NOTCH4: variants seen among roughly 807,000 people sequenced by gnomAD.
NOTCH4 encodes the protein notch receptor 4, also known as neurogenic locus notch homolog protein 4.
NOTCH4 carries 138 observed loss-of-function variants against 189.0 expected under a neutral mutation model. The observed-to-expected ratio is 0.73, with a 90% CI of 0.64 to 0.84. The LOEUF (loss-of-function observed/expected upper bound fraction) is 0.84. Ranked by LOEUF, NOTCH4 falls within the 40% of genes least tolerant of loss-of-function variation. NOTCH4 has a pLI of 0.00. For synonymous variants in NOTCH4, 942 were observed against 1,032.8 expected (o/e 0.91, Z 1.69); for missense variants, 2,286 against 2,605.4 (o/e 0.88, Z 2.67).
rs56957733 is a variant in NOTCH4, at chr6:32,211,258, T to TCAAACAAACAAA, written c.2681-334_2681-323dup. On this transcript the variant is annotated intron_variant, in intron 17 of 29. Coordinates refer to ENST00000375023, the MANE Select transcript of NOTCH4 (RefSeq NM_004557.4). ...CTGGGCTATAGGGCAAGACTCCATC[T>TCAAACAAACAAA]CAAACAAACAAACAAACAAACAAAC... is the stretch of plus-strand genomic sequence containing the variant. Among the ~76,000 whole-genome samples, 60 of 146,078 alleles carry TCAAACAAACAAA rather than the reference T, an allele frequency of 4.1e-4. 1 individual carries two copies. The highest frequency in any genetic ancestry group is 6.2e-4 in the East Asian group (3 of 4,838).
chr6:32,215,198 C>A (rs778245882), intron 12 of NOTCH4, 28 bp downstream of exon 12: 1 of 1,559,072 alleles, frequency 6.4e-7, no homozygotes, highest in Admixed American at 2.0e-5. Flanking sequence ...AAGGAGGGGG[C>A]AGATGGGGAG....
Position 32,202,722 on chromosome 6 carries a change from CAGAG to C in NOTCH4, c.3232-127_3232-124del, listed in dbSNP as rs1788435896. The C allele has an allele frequency of 1.2e-6, 1 of 811,154 alleles. No homozygotes were observed. The highest frequency in any genetic ancestry group is 1.9e-6 in the Non-Finnish European group (1 of 537,706). The allele number at this position is 811,154 out of a possible 1,614,324, so 50.2% of individuals were successfully genotyped here. Reference sequence around the variant, plus strand: ...AGATTCTCATATCTAAAAGGCGCCTCAGAGAGCATCAAGTTAATCATTTTGTGGA... The same window carrying C: ...AGATTCTCATATCTAAAAGGCGCCTCAGCATCAAGTTAATCATTTTGTGGA... On this transcript the variant is annotated intron_variant, in intron 20 of 29. Transcript: ENST00000375023. This position sits in a 1 kb window ranked among gnomAD's most constrained non-coding sequence, Gnocchi z 5.7.
In NOTCH4 at chr6:32,213,023, G is replaced by A; in HGVS notation, c.2438+112C>T. 3.2e-6 allele frequency: 4 copies of A among 1,256,350 alleles called. No homozygotes were observed. In the South Asian group the frequency reaches 5.2e-5, roughly 16 times the overall value. 77.8% of individuals were successfully genotyped at this position (1,256,350 alleles called of 1,614,324 possible). A position where few individuals can be genotyped will look rare whatever the true frequency, so the allele number is the denominator to read the frequency against. ...AGGGAGGTGGCAAGCCAGGAGGGAA[G>A]GCGGAACGAGGTGTGGGGTGGGAGG... On this transcript the variant is annotated intron_variant, in intron 15 of 29. Transcript: ENST00000375023.
chr6:32,206,186 T>A (rs1582792420), intron 18 of NOTCH4, among the ~76,000 whole-genome samples: 1 of 152,156 alleles, frequency 6.6e-6, no homozygotes. Flanking sequence ...ACTATTTTTA[T>A]TCAAGGTAAT....
At chr6:32,205,647 A>C (rs1437302061) in intron 18 of NOTCH4, among the ~76,000 whole-genome samples, 1 of 151,902 alleles carries the variant, frequency 6.6e-6, no homozygotes, top group Non-Finnish European at 1.5e-5. Flanking sequence ...TATGTTTGAA[A>C]ATGTTCATAA....
intron 18 of NOTCH4, among the ~76,000 whole-genome samples, chr6:32,207,970 C>T (rs1345836433): frequency 2.7e-5 from 4 of 148,242 alleles, no homozygotes; most frequent in Non-Finnish European, 5.9e-5. Context: ...CGCCACTGCA[C>T]TCCAGCCCAG....
At position 32,210,632 on chromosome 6, in the gene NOTCH4, G is replaced by A; in HGVS notation, c.2865+120C>T. On this transcript the variant is annotated intron_variant, in intron 18 of 29. Coordinates refer to ENST00000375023, the MANE Select transcript of NOTCH4 (RefSeq NM_004557.4). This position sits in a 1 kb window ranked among gnomAD's most constrained non-coding sequence, Gnocchi z 4.8. ...TGACTTTGTGGTTAGTTGGGTGTGT[G>A]GGGTTAAAAAAAATAAAAGGAGGTG... The A allele has an allele frequency of 2.1e-6, 2 of 951,502 alleles. No homozygotes were observed. The highest frequency in any genetic ancestry group is 1.6e-6 in the Non-Finnish European group (1 of 615,734). 58.9% of individuals were successfully genotyped at this position (951,502 alleles called of 1,614,324 possible).
At chr6:32,222,324 T>C (rs922465195) in intron 3 of NOTCH4, among the ~76,000 whole-genome samples, 187 bp downstream of exon 3, 10 of 152,226 alleles carry the variant, frequency 6.6e-5, no homozygotes, top group Admixed American at 5.9e-4. Flanking sequence ...ATTTTAGCAA[T>C]CAGTACAACC....
At position 32,210,812 on chromosome 6, in the gene NOTCH4, CTCACATGGGT is replaced by C. The variant is rs1291871846; in HGVS notation, c.2795_2804del (p.Asn932SerfsTer113). The C allele has an allele frequency of 6.2e-7, 1 of 1,613,066 alleles. No individual in the cohort carries two copies. The highest frequency in any genetic ancestry group is 1.7e-5 in the Admixed American group (1 of 60,020). On this transcript the variant is annotated frameshift_variant, in exon 18 of 30. Coordinates refer to ENST00000375023, the MANE Select transcript of NOTCH4 (RefSeq NM_004557.4). LOFTEE classifies it high-confidence loss of function. The surrounding 1 kb of genome is among the most constrained non-coding windows in gnomAD (Gnocchi z 4.8). ...TGGCCCCGTTCTGGCAAGGCCTGGA[CTCACATGGGT>C]TCACGTGATCCTGGCACAGGCTGCC...
intron 18 of NOTCH4, among the ~76,000 whole-genome samples, chr6:32,207,088 C>T (rs1263934490): frequency 2.0e-5 from 3 of 151,634 alleles, no homozygotes; most frequent in African/African-American, 7.3e-5. Flanking sequence ...CACCACCATG[C>T]CTGGCTAATT....
rs149129632 is a variant in NOTCH4 at position 32,200,031 on chromosome 6, G to C, written c.4315+800C>G. On this transcript the variant is annotated intron_variant, in intron 23 of 29. Transcript: ENST00000375023. The surrounding 1 kb of genome is among the most constrained non-coding windows in gnomAD (Gnocchi z 5.0). ...ATGTTGTATTAGGGATGCTGAACCA[G>C]TAAGTATAATGCAAATATTCCAAAA... Among the ~76,000 whole-genome samples the C allele has an allele frequency of 2.2e-4, 33 of 152,298 alleles. No individual in the cohort carries two copies. In the East Asian group the frequency reaches 6.2e-3, roughly 29 times the overall value.
rs1285851902 is a variant in NOTCH4, at chr6:32,221,737, A to G, written c.452-412T>C. On this transcript the variant is annotated intron_variant, in intron 3 of 29. Coordinates refer to ENST00000375023, the MANE Select transcript of NOTCH4 (RefSeq NM_004557.4). This position sits in a 1 kb window ranked among gnomAD's most constrained non-coding sequence, Gnocchi z 4.3. ...TCCTAATCTTTAAGTGGGTTTAGGC[A>G]CCTGGAGACTCACTTCACAGTCCAT... 1.3e-5 allele frequency among the ~76,000 whole-genome samples: 2 copies of G among 152,060 alleles called. No homozygotes were observed. The highest frequency in any genetic ancestry group is 4.8e-5 in the African/African-American group (2 of 41,392).
rs915896 is a variant in NOTCH4, at chr6:32,219,944, A to T, written c.1316-158T>A. On this transcript the variant is annotated intron_variant, in intron 7 of 29. Transcript: ENST00000375023. ...AGATGGAAAGGAAATAAGGGACCAAACTCATGGGGACTGAGGGGCTGAACA... is the reference window on the plus strand; with the variant it reads ...AGATGGAAAGGAAATAAGGGACCAATCTCATGGGGACTGAGGGGCTGAACA... 0.29 allele frequency among the ~76,000 whole-genome samples: 44,394 copies of T among 152,008 alleles called. 6,775 individuals are homozygous for T. Among genetic ancestry groups the T allele is most frequent in the African/African-American group, 0.37 (15,484 of 41,428 alleles).
chr6:32,212,956 A>G lies in NOTCH4; in HGVS notation c.2439-45T>C. The G allele has an allele frequency of 2.0e-6, 3 of 1,515,560 alleles. No homozygotes were observed. The highest frequency in any genetic ancestry group is 2.7e-6 in the Non-Finnish European group (3 of 1,107,944). The allele number at this position is 1,515,560 out of a possible 1,614,324, so 93.9% of individuals were successfully genotyped here. ...GGCATGATAGGAAGAAGTTCGGGCAACAAGGGGAAGGTAGTGTGTGATATT... is the reference window on the plus strand; with the variant it reads ...GGCATGATAGGAAGAAGTTCGGGCAGCAAGGGGAAGGTAGTGTGTGATATT... On this transcript the variant is annotated intron_variant, in intron 15 of 29. Coordinates refer to ENST00000375023, the MANE Select transcript of NOTCH4 (RefSeq NM_004557.4). This position sits in a 1 kb window ranked among gnomAD's most constrained non-coding sequence, Gnocchi z 4.4.
chr6:32,219,481 G>A, intron 8 of NOTCH4, 111 bp downstream of exon 8: 1 of 970,192 alleles, frequency 1.0e-6, no homozygotes, highest in Non-Finnish European at 1.5e-6. Flanking sequence ...AAGCATCTGT[G>A]GTAACTTACG....
At position 32,201,080 on chromosome 6, in the gene NOTCH4, A is replaced by AC; in HGVS notation, c.4139+36dup. 1.3e-6 allele frequency: 2 copies of AC among 1,578,698 alleles called. No individual in the cohort carries two copies. Among genetic ancestry groups the AC allele is most frequent in the Non-Finnish European group, 1.7e-6 (2 of 1,163,040 alleles). On this transcript the variant is annotated intron_variant, in intron 22 of 29. Coordinates refer to ENST00000375023, the MANE Select transcript of NOTCH4 (RefSeq NM_004557.4). This position sits in a 1 kb window ranked among gnomAD's most constrained non-coding sequence, Gnocchi z 5.5. ...TTCCTCCCTCTGCCCTCTTAAAAAAACTGGTGTCTGGCCCTTCCCTCCACC... is the reference window on the plus strand; with the variant it reads ...TTCCTCCCTCTGCCCTCTTAAAAAAACCTGGTGTCTGGCCCTTCCCTCCACC...
chr6:32,202,630 C>G lies in NOTCH4; in HGVS notation c.3232-31G>C, dbSNP rs9267822. The G allele has an allele frequency of 0.017, 26,568 of 1,539,530 alleles. 429 individuals carry two copies. The highest frequency in any genetic ancestry group is 0.051 in the African/African-American group (3,726 of 72,882). On this transcript the variant is annotated intron_variant, in intron 20 of 29. Coordinates refer to ENST00000375023, the MANE Select transcript of NOTCH4 (RefSeq NM_004557.4). This position sits in a 1 kb window ranked among gnomAD's most constrained non-coding sequence, Gnocchi z 5.7. ...GAGGGGAGGGGAGATATTGGAGATG[C>G]AACTTGCATTATTCTTCCCGCTCTC...
At chr6:32,219,874 C>A in intron 7 of NOTCH4, 88 bp from the exon 8 acceptor site, 1 of 1,160,224 alleles carries the variant, frequency 8.6e-7, no homozygotes, top group Non-Finnish European at 1.2e-6. Context: ...TGGGGGCCTG[C>A]GTGTGGCAGA....
chr6:32,222,947 C>T (rs953001804), intron 2 of NOTCH4, 58 bp downstream of exon 2: 2 of 1,555,014 alleles, frequency 1.3e-6, no homozygotes, highest in African/African-American at 2.7e-5. Flanking sequence ...TCACCTCTCC[C>T]CCCCTGCTCT....
Sources: gnomAD v4.1 joint callset for allele counts (sites outside exome capture counted in the v4.1 genomes callset) on GRCh38, gnomAD v4.1.1 for gene constraint, Gnocchi (gnomAD v3.1) non-coding constraint, MANE v1.5 for transcripts, NCBI Gene and HGNC (gene_info 2026-07-23, HGNC 2026-07-21) for gene names.